The following CD6 variants were observed in gnomAD, a reference collection of about 807,000 sequenced individuals.
The protein encoded by CD6 is T-cell differentiation antigen CD6.
CD6 carries 53 observed loss-of-function variants against 75.3 expected under a neutral mutation model. The observed-to-expected ratio is 0.70, with a 90% confidence interval of 0.56 to 0.88. The LOEUF (loss-of-function observed/expected upper bound fraction) is 0.88, where lower values mean the gene tolerates loss of function less well. Ranked by LOEUF, CD6 falls within the 40% of genes least tolerant of loss-of-function variation. The pLI is 0.00. For missense variants in CD6, 770 were observed against 897.1 expected, an observed-to-expected ratio of 0.86 and a Z score of 1.81; for synonymous variants, 359 against 381.5, an observed-to-expected ratio of 0.94 and a Z score of 0.69.
chr11:60,996,142 C>T (rs1434802749), intron 1 of CD6, among the ~76,000 whole-genome samples: 1 of 152,136 alleles, frequency 6.6e-6, no homozygotes, highest in African/African-American at 2.4e-5. Flanking sequence ...GATACTAAAC[C>T]GCTCTGTGCC....
intron 1 of CD6, among the ~76,000 whole-genome samples, chr11:61,005,431 C>A (rs1173680457): frequency 6.6e-6 from 1 of 152,206 alleles, no homozygotes; most frequent in Non-Finnish European, 1.5e-5. Context: ...CTAAGGCTCC[C>A]CATTGGCTGA....
Position 61,009,701 on chromosome 11 carries a change from A to G in CD6, c.911A>G (p.Gln304Arg), listed in dbSNP as rs1859054537. 1 of 1,614,132 alleles carries G rather than the reference A, an allele frequency of 6.2e-7. No homozygotes were observed. Among genetic ancestry groups the G allele is most frequent in the South Asian group, 1.1e-5 (1 of 91,086 alleles). Reference sequence around the variant, plus strand: ...CCATCGGAGGCCAAGGTGCTCTGCCAGTCCTTGGGCTGTGGAACTGCGGTT... The same window carrying G: ...CCATCGGAGGCCAAGGTGCTCTGCCGGTCCTTGGGCTGTGGAACTGCGGTT... ...WYPSEAKVLC[Q>R]SLGCGTAVER... The change falls in exon 5 of 13, where the codon CAG becomes CGG. Residue 304 changes from glutamine (Q) to arginine (R), a missense_variant. Gln to Arg is a conservative substitution (Grantham distance 43). Transcript: ENST00000313421.
At chr11:61,015,198 G>A in intron 8 of CD6, among the ~76,000 whole-genome samples, 1 of 152,222 alleles carries the variant, frequency 6.6e-6, no homozygotes, top group East Asian at 1.9e-4. Context: ...TTAAGCGTTT[G>A]CTAAATAAAT....
rs1469347170 is a variant in CD6, at chr11:61,020,321, C to T, written c.*1003C>T. 2.5e-6 allele frequency: 1 copy of T among 399,016 alleles called. No homozygotes were observed. The highest frequency in any genetic ancestry group is 2.1e-5 in the African/African-American group (1 of 48,730). The allele number at this position is 399,016 out of a possible 1,614,324, so 24.7% of individuals were successfully genotyped here. Reference sequence around the variant, plus strand: ...CAGAGAGAGGCCCATGGGCTCAGACCAGGCTTTGTTGTCCTGCTCTGAGTA... The same window carrying T: ...CAGAGAGAGGCCCATGGGCTCAGACTAGGCTTTGTTGTCCTGCTCTGAGTA... On this transcript the variant is annotated 3_prime_UTR_variant, in exon 13 of 13. Coordinates refer to ENST00000313421, the MANE Select transcript of CD6 (RefSeq NM_006725.5).
chr11:60,981,108 T>G (rs1184380304), intron 1 of CD6, among the ~76,000 whole-genome samples: 1 of 152,128 alleles, frequency 6.6e-6, no homozygotes, highest in Non-Finnish European at 1.5e-5. Flanking sequence ...CGCCACAAAA[T>G]GTACATTTAC....
At chr11:60,979,518 G>A (rs1857487928) in intron 1 of CD6, among the ~76,000 whole-genome samples, 1 of 151,318 alleles carries the variant, frequency 6.6e-6, no homozygotes, top group South Asian at 2.1e-4. Context: ...CCAAGCTGGA[G>A]TGCAATGCTG....
chr11:60,994,658 T>A, intron 1 of CD6, among the ~76,000 whole-genome samples: 1 of 152,122 alleles, frequency 6.6e-6, no homozygotes, highest in East Asian at 1.9e-4. Flanking sequence ...ATACTCACTC[T>A]CTTTCTCTTT....
intron 1 of CD6, among the ~76,000 whole-genome samples, chr11:60,981,998 AC>A (rs1215522817): frequency 8.1e-6 from 1 of 122,734 alleles, no homozygotes; most frequent in African/African-American, 3.1e-5. Context: ...TGTCCAGGCC[AC>A]CCCCAATCTC....
intron 1 of CD6, among the ~76,000 whole-genome samples, chr11:60,994,301 C>T (rs537817053): frequency 3.3e-5 from 5 of 151,622 alleles, no homozygotes; most frequent in East Asian, 3.9e-4. Context: ...ATTAGCCAGG[C>T]GTGGTGGCAC....
chr11:60,993,256 A>G (rs1858138788), intron 1 of CD6, among the ~76,000 whole-genome samples: 1 of 142,460 alleles, frequency 7.0e-6, no homozygotes, highest in Non-Finnish European at 1.6e-5. Flanking sequence ...AGTCTGCAGC[A>G]GCTCAGATAA....
intron 3 of CD6, chr11:61,008,258 C>T (rs1858970058): frequency 2.0e-6 from 1 of 495,950 alleles, no homozygotes; most frequent in Non-Finnish European, 3.6e-6. Context: ...TATACATAAA[C>T]ATGCCAGGTT....
intron 1 of CD6, among the ~76,000 whole-genome samples, chr11:61,000,979 C>T (rs1393004869): frequency 6.6e-6 from 1 of 152,066 alleles, no homozygotes; most frequent in Non-Finnish European, 1.5e-5. Context: ...TGAAACCAGC[C>T]GCTCCCCTCC....
chr11:60,990,711 A>C (rs1261452785), intron 1 of CD6, among the ~76,000 whole-genome samples: 1 of 151,846 alleles, frequency 6.6e-6, no homozygotes, highest in East Asian at 1.9e-4. Flanking sequence ...CTTTTCTCCC[A>C]CATTTTTATA....
At chr11:60,990,546 A>G (rs1054833872) in intron 1 of CD6, among the ~76,000 whole-genome samples, 7 of 152,122 alleles carry the variant, frequency 4.6e-5, no homozygotes, top group Non-Finnish European at 8.8e-5. Flanking sequence ...AATGAACCCA[A>G]TGCGTCCTCA....
chr11:60,995,122 C>T (rs924553976), intron 1 of CD6, among the ~76,000 whole-genome samples: 6 of 133,216 alleles, frequency 4.5e-5, no homozygotes, highest in Non-Finnish European at 6.6e-5. Flanking sequence ...CCAGCGCATG[C>T]GTCTTTTTTT....
At chr11:60,991,757 A>G (rs1277968995) in intron 1 of CD6, among the ~76,000 whole-genome samples, 1 of 149,920 alleles carries the variant, frequency 6.7e-6, no homozygotes, top group Non-Finnish European at 1.5e-5. Context: ...GCAACCTCGA[A>G]CTCCTGGGCT....
chr11:61,018,730 A>C, intron 12 of CD6: 1 of 319,690 alleles, frequency 3.1e-6, no homozygotes, highest in Non-Finnish European at 5.8e-6. Flanking sequence ...AGGTGGGAGG[A>C]TCGTGTGAGC....
chr11:61,000,079 A>G (rs1164348832), intron 1 of CD6, among the ~76,000 whole-genome samples: 1 of 150,198 alleles, frequency 6.7e-6, no homozygotes, highest in Non-Finnish European at 1.5e-5. Context: ...AAAAATAAAT[A>G]TAAATATAAA....
chr11:61,012,504 C>T (rs1302445975), intron 6 of CD6, among the ~76,000 whole-genome samples: 7 of 152,000 alleles, frequency 4.6e-5, no homozygotes, highest in East Asian at 1.9e-4. Context: ...AAAATGAAGA[C>T]GGGGAGAGGA....
Sources: gnomAD v4.1 joint callset for allele counts (sites outside exome capture counted in the v4.1 genomes callset) on GRCh38, gnomAD v4.1.1 for gene constraint, MANE v1.5 for transcripts, NCBI Gene and HGNC (gene_info 2026-07-23, HGNC 2026-07-21) for gene names.